The following EDA variants were observed in gnomAD, a reference collection of about 807,000 sequenced individuals.
EDA encodes the protein ectodysplasin-A.
In EDA, 2 loss-of-function variants were observed where a neutral mutation model predicts 23.6. That is an observed-to-expected ratio of 0.08 (90% confidence interval 0.03 to 0.27). EDA has a LOEUF of 0.27. Among genes scored for constraint, EDA ranks in the 10% least tolerant of loss-of-function variants. The pLI, the probability that EDA is intolerant of heterozygous loss-of-function variation, is 1.00. For missense variants in EDA, 229 were observed against 324.2 expected (o/e 0.71, Z 2.26); for synonymous variants, 131 against 132.0 (o/e 0.99, Z 0.05).
intron 1 of EDA, among the ~76,000 whole-genome samples, chrX:69,639,012 A>AATACCTCAT (rs1466943592): frequency 1.8e-5 from 2 of 109,575 alleles, no homozygotes; most frequent in African/African-American, 6.6e-5. Flanking sequence ...ACCTCATGTA[A>AATACCTCAT]GTGGAGTCAT....
At chrX:69,654,690 C>T (rs1450127406) in intron 1 of EDA, among the ~76,000 whole-genome samples, 2 of 106,662 alleles carry the variant, frequency 1.9e-5, no homozygotes, top group East Asian at 3.0e-4. Flanking sequence ...AGCAAACCAT[C>T]GCAAGGACAA....
intron 2 of EDA, among the ~76,000 whole-genome samples, chrX:70,010,112 A>G (rs2019855675): frequency 8.9e-6 from 1 of 111,866 alleles, no homozygotes; most frequent in African/African-American, 3.2e-5. Context: ...GTATTCTATA[A>G]ACGTCAGTTA....
intron 1 of EDA, among the ~76,000 whole-genome samples, chrX:69,683,128 A>G (rs1044774812): frequency 3.6e-5 from 4 of 111,210 alleles, no homozygotes; most frequent in Non-Finnish European, 7.5e-5. Context: ...AAAGGGGTTT[A>G]TATTTAAAAC....
chrX:69,821,381 C>A (rs1305494133), intron 1 of EDA, among the ~76,000 whole-genome samples: 1 of 110,105 alleles, frequency 9.1e-6, no homozygotes, highest in Non-Finnish European at 1.9e-5. Flanking sequence ...ACATCCTGCA[C>A]ATGTGCCCCT....
At chrX:70,027,692 A>G (rs772646484) in intron 3 of EDA, among the ~76,000 whole-genome samples, 165 bp from the exon 4 acceptor site, 175 of 110,552 alleles carry the variant, frequency 1.6e-3, no homozygotes, top group Middle Eastern at 4.7e-3. Context: ...TCGCGGTGGC[A>G]CGCGCCTGTA....
At chrX:69,900,910 T>G (rs1395874607) in intron 1 of EDA, among the ~76,000 whole-genome samples, 2 of 111,443 alleles carry the variant, frequency 1.8e-5, no homozygotes, top group Non-Finnish European at 3.8e-5. Context: ...GCTGTAATGC[T>G]ATATTTTCCA....
At chrX:69,948,849 G>T in intron 1 of EDA, among the ~76,000 whole-genome samples, 1 of 111,900 alleles carries the variant, frequency 8.9e-6, no homozygotes, top group Middle Eastern at 4.7e-3. Context: ...AAAGCATGTC[G>T]AGTTAAGGGT....
At chrX:69,945,135 C>G (rs947386418) in intron 1 of EDA, among the ~76,000 whole-genome samples, 1 of 111,991 alleles carries the variant, frequency 8.9e-6, no homozygotes, top group South Asian at 3.7e-4. Flanking sequence ...AAACTAGGTA[C>G]TATGATCACT....
intron 1 of EDA, among the ~76,000 whole-genome samples, chrX:69,890,808 T>C (rs2017915221): frequency 9.0e-6 from 1 of 110,651 alleles, no homozygotes. Flanking sequence ...TAGAAGAAAA[T>C]CTAGGCAATA....
chrX:69,866,349 G>A (rs1409499052), intron 1 of EDA, among the ~76,000 whole-genome samples: 2 of 111,567 alleles, frequency 1.8e-5, no homozygotes, highest in African/African-American at 6.5e-5. Context: ...AGCCAACACT[G>A]TAACTCCCCT....
At chrX:69,950,512 C>A (rs2018903202) in intron 1 of EDA, among the ~76,000 whole-genome samples, 1 of 66,937 alleles carries the variant, frequency 1.5e-5, no homozygotes, top group Non-Finnish European at 2.7e-5. Flanking sequence ...ACTAGTTCAA[C>A]CATTGTGGAA....
intron 1 of EDA, among the ~76,000 whole-genome samples, chrX:69,758,014 C>T (rs1473515643): frequency 2.7e-5 from 3 of 111,876 alleles, no homozygotes; most frequent in African/African-American, 6.5e-5. Context: ...CATGCTCAAG[C>T]GATTTGTCTC....
At chrX:69,925,783 C>CTTTTTT (rs147114575) in intron 1 of EDA, among the ~76,000 whole-genome samples, 1 of 82,596 alleles carries the variant, frequency 1.2e-5, no homozygotes, top group African/African-American at 4.4e-5. Flanking sequence ...TGGTCCTGGG[C>CTTTTTT]TTTTTTTTTT....
intron 1 of EDA, among the ~76,000 whole-genome samples, chrX:69,815,932 T>C (rs919962221): frequency 8.9e-6 from 1 of 111,881 alleles, no homozygotes; most frequent in African/African-American, 3.2e-5. Flanking sequence ...CCACCTCCTT[T>C]AGGTTTGTGC....
At chrX:69,861,933 T>C (rs186601482) in intron 1 of EDA, among the ~76,000 whole-genome samples, 29 of 112,124 alleles carry the variant, frequency 2.6e-4, no homozygotes, top group African/African-American at 8.7e-4. Flanking sequence ...AGGTAGAAGA[T>C]AGATGACAGC....
intron 1 of EDA, among the ~76,000 whole-genome samples, chrX:69,650,045 T>C (rs1317707695): frequency 8.9e-6 from 1 of 112,117 alleles, no homozygotes; most frequent in Non-Finnish European, 1.9e-5. Context: ...GCACTCCCTG[T>C]TTGCTGAGGT....
intron 1 of EDA, among the ~76,000 whole-genome samples, chrX:69,759,444 C>G (rs2014230647): frequency 8.9e-6 from 1 of 112,069 alleles, no homozygotes; most frequent in Admixed American, 9.5e-5. Flanking sequence ...AAAAAAAAAT[C>G]TGGAAGAAGG....
intron 1 of EDA, among the ~76,000 whole-genome samples, chrX:69,843,522 T>G (rs2016937904): frequency 9.0e-6 from 1 of 111,498 alleles, no homozygotes; most frequent in African/African-American, 3.3e-5. Flanking sequence ...TATTTCTAAG[T>G]CAGTGCAGTA....
chrX:69,677,278 G>A lies in EDA; in HGVS notation c.396+60574G>A, dbSNP rs1239685640. On this transcript the variant is annotated intron_variant, in intron 1 of 7. Coordinates refer to ENST00000374552, the MANE Select transcript of EDA (RefSeq NM_001399.5). ...AGTCTTTGCTATTGTGAATAATGCC[G>A]CAATAAACATACGTGTGCATGTGTC... Among the ~76,000 whole-genome samples, 463 of 104,632 alleles carry A rather than the reference G, an allele frequency of 4.4e-3. 1 individual carries two copies. Among genetic ancestry groups the A allele is most frequent in the Non-Finnish European group, 7.3e-3 (368 of 50,718 alleles). 90.9% of individuals were successfully genotyped at this position (104,632 alleles called of 115,157 possible).
Sources: allele counts gnomAD v4.1 joint callset (sites outside exome capture counted in the v4.1 genomes callset), GRCh38; gene constraint gnomAD v4.1.1; transcripts MANE v1.5; gene names NCBI Gene and HGNC (gene_info 2026-07-23, HGNC 2026-07-21).